CEMIP: variants seen among roughly 807,000 people sequenced by gnomAD.
CEMIP encodes cell migration inducing hyaluronidase 1.
CEMIP carries 105 observed loss-of-function variants against 156.9 expected under a neutral mutation model. The ratio of observed to expected loss-of-function variants is 0.67; its 90% CI spans 0.57 to 0.79. The LOEUF is 0.79. Among genes scored for constraint, CEMIP ranks in the 30% least tolerant of loss-of-function variants. The probability of loss-of-function intolerance (pLI) is 0.00; values close to 1 mark genes in which losing one functional copy is unlikely to be tolerated. For missense variants in CEMIP, 1,457 were observed against 1,769.4 expected, an observed-to-expected ratio of 0.82 and a Z score of 3.17; for synonymous variants, 676 against 668.4, an observed-to-expected ratio of 1.01 and a Z score of -0.17.
At chr15:80,852,785 G>T (rs1897745809) in intron 1 of CEMIP, among the ~76,000 whole-genome samples, 1 of 152,202 alleles carries the variant, frequency 6.6e-6, no homozygotes, top group South Asian at 2.1e-4. Context: ...GGAGGAGGAA[G>T]ATCAAGTGTG....
chr15:80,831,037 G>A (rs958993871), intron 1 of CEMIP, among the ~76,000 whole-genome samples: 2 of 152,214 alleles, frequency 1.3e-5, no homozygotes, highest in Admixed American at 6.5e-5. Flanking sequence ...TCAAGAGGCA[G>A]TTACCGTGCT....
chr15:80,864,372 A>C (rs1470967172), intron 1 of CEMIP, among the ~76,000 whole-genome samples: 2 of 152,214 alleles, frequency 1.3e-5, no homozygotes, highest in Non-Finnish European at 2.9e-5. Context: ...CTCTCATCTG[A>C]AGATGCAGTT....
At chr15:80,829,007 G>A (rs1897097600) in intron 1 of CEMIP, among the ~76,000 whole-genome samples, 1 of 152,200 alleles carries the variant, frequency 6.6e-6, no homozygotes, top group Admixed American at 6.5e-5. Flanking sequence ...TGAAATTAAA[G>A]TGGAGAACAG....
intron 23 of CEMIP, among the ~76,000 whole-genome samples, chr15:80,935,460 G>A (rs11854045): frequency 2.0e-5 from 3 of 151,982 alleles, no homozygotes; most frequent in Non-Finnish European, 4.4e-5. Context: ...GGTTATTAAC[G>A]GTTATTCATA....
At chr15:80,907,595 T>C (rs144076372) in intron 13 of CEMIP, among the ~76,000 whole-genome samples, 118 of 152,278 alleles carry the variant, frequency 7.7e-4, no homozygotes, top group African/African-American at 2.7e-3. Flanking sequence ...AAAGAAGTTG[T>C]AGCATTAAAT....
rs558681952 is a variant in CEMIP, at chr15:80,784,964, A to G, written c.-176+5350A>G. Among the ~76,000 whole-genome samples the G allele has an allele frequency of 9.9e-5, 15 of 152,254 alleles. No individual in the cohort carries two copies. In the East Asian group the frequency reaches 2.5e-3, roughly 25 times the overall value. On this transcript the variant is annotated intron_variant, in intron 1 of 29. Coordinates refer to ENST00000394685, the MANE Select transcript of CEMIP (RefSeq NM_001293298.2). ...AAGCCCAGCTGGTCTGTGCCCTCCT[A>G]ATGACCTTATAATGACCCTTAAAAT...
chr15:80,844,652 G>A (rs778123559), intron 1 of CEMIP, among the ~76,000 whole-genome samples: 7 of 152,238 alleles, frequency 4.6e-5, no homozygotes, highest in African/African-American at 7.2e-5. Context: ...GCAGAATTGG[G>A]CTGCTTCCTA....
chr15:80,948,977 G>A lies in CEMIP; in HGVS notation c.*53G>A. The A allele has an allele frequency of 1.2e-6, 2 of 1,611,886 alleles. No homozygotes were observed. Among genetic ancestry groups the A allele is most frequent in the South Asian group, 1.1e-5 (1 of 91,020 alleles). On this transcript the variant is annotated 3_prime_UTR_variant, in exon 30 of 30. Coordinates refer to ENST00000394685, the MANE Select transcript of CEMIP (RefSeq NM_001293298.2). Reference sequence around the variant, plus strand: ...TGGTAGACTATGACGGTGACTCTTGGCAGCAGACCAGTGGGGGATGGCTGG... The same window carrying A: ...TGGTAGACTATGACGGTGACTCTTGACAGCAGACCAGTGGGGGATGGCTGG...
intron 6 of CEMIP, among the ~76,000 whole-genome samples, chr15:80,882,034 C>CA (rs1480965021): frequency 1.3e-5 from 2 of 152,144 alleles, no homozygotes; most frequent in East Asian, 3.9e-4. Flanking sequence ...GGTAGACAAA[C>CA]AGAGACAGAG....
intron 1 of CEMIP, among the ~76,000 whole-genome samples, chr15:80,863,405 G>T (rs914838341): frequency 6.6e-6 from 1 of 152,184 alleles, no homozygotes; most frequent in African/African-American, 2.4e-5. Context: ...ACTAAGGTCT[G>T]TTGGGAAGGA....
At chr15:80,823,219 C>G (rs1896950460) in intron 1 of CEMIP, among the ~76,000 whole-genome samples, 1 of 152,150 alleles carries the variant, frequency 6.6e-6, no homozygotes, top group Non-Finnish European at 1.5e-5. Flanking sequence ...GAGTCTCGGC[C>G]TGTGTGGTTT....
At chr15:80,866,084 C>T (rs1898117904) in intron 1 of CEMIP, among the ~76,000 whole-genome samples, 1 of 152,206 alleles carries the variant, frequency 6.6e-6, no homozygotes, top group Admixed American at 6.5e-5. Flanking sequence ...AACCATCCCT[C>T]CCCTACAGCT....
At chr15:80,787,785 C>T (rs987197851) in intron 1 of CEMIP, among the ~76,000 whole-genome samples, 1 of 152,222 alleles carries the variant, frequency 6.6e-6, no homozygotes, top group Non-Finnish European at 1.5e-5. Context: ...TACACAGTGG[C>T]TGCTGCCTGG....
chr15:80,867,780 G>A (rs1199639594), intron 1 of CEMIP, among the ~76,000 whole-genome samples: 1 of 152,166 alleles, frequency 6.6e-6, no homozygotes, highest in African/African-American at 2.4e-5. Flanking sequence ...GGGATACTGT[G>A]TCAGGACCAG....
intron 1 of CEMIP, among the ~76,000 whole-genome samples, chr15:80,794,118 G>C (rs1896155092): frequency 6.6e-6 from 1 of 152,206 alleles, no homozygotes; most frequent in Non-Finnish European, 1.5e-5. Context: ...TCTGTTGTCT[G>C]TGATTTTTAT....
intron 1 of CEMIP, among the ~76,000 whole-genome samples, chr15:80,799,530 G>A (rs1293337973): frequency 3.9e-5 from 6 of 152,184 alleles, no homozygotes; most frequent in Non-Finnish European, 1.5e-5. Flanking sequence ...AATAGTGTAT[G>A]GAATAGAACT....
chr15:80,917,036 T>C (rs1023891611), intron 14 of CEMIP, among the ~76,000 whole-genome samples: 1 of 152,208 alleles, frequency 6.6e-6, no homozygotes, highest in Non-Finnish European at 1.5e-5. Flanking sequence ...TAAGTCTGCG[T>C]CACTTATAGA....
intron 12 of CEMIP, among the ~76,000 whole-genome samples, chr15:80,897,724 C>T (rs1197251640): frequency 1.3e-5 from 2 of 152,002 alleles, no homozygotes; most frequent in Non-Finnish European, 2.9e-5. Flanking sequence ...GTAAATCTGG[C>T]AATGAGGGTA....
chr15:80,924,187 G>A (rs1054016656), intron 17 of CEMIP, among the ~76,000 whole-genome samples: 1 of 152,188 alleles, frequency 6.6e-6, no homozygotes, highest in African/African-American at 2.4e-5. Context: ...ACTGTGGGAA[G>A]GTCACTGACC....
Sources: gnomAD v4.1 joint callset for allele counts (sites outside exome capture counted in the v4.1 genomes callset) on GRCh38, gnomAD v4.1.1 for gene constraint, MANE v1.5 for transcripts, NCBI Gene and HGNC (gene_info 2026-07-23, HGNC 2026-07-21) for gene names.